PGK2: variants seen among roughly 807,000 people sequenced by gnomAD.
PGK2 encodes phosphoglycerate kinase 2, also known as epididymis secretory protein Li 272.
A neutral mutation model predicts 5.2 loss-of-function variants in PGK2; 5 were observed. The observed-to-expected ratio is 0.96, with a 90% CI of 0.50 to 2.01. PGK2 has a LOEUF of 2.01. Among genes scored for constraint, PGK2 ranks in the 30% most tolerant of loss-of-function variants. The pLI is 0.01. For missense variants in PGK2, 588 were observed against 506.8 expected (o/e 1.16, Z -1.54); for synonymous variants, 210 against 182.6 (o/e 1.15, Z -1.21).
rs776872781 is a variant in PGK2, at chr6:49,786,021, G to A, written c.1167C>T (p.Val389=). 6.8e-6 allele frequency: 11 copies of A among 1,614,120 alleles called. No homozygotes were observed. The highest frequency in any genetic ancestry group is 9.3e-6 in the Non-Finnish European group (11 of 1,179,962). Reference sequence around the variant, plus strand: ...CACCGCCTCCAGTGCTGACATGGCTGACTTTATCTTCAGTGTTCCATTTGG... The same window carrying A: ...CACCGCCTCCAGTGCTGACATGGCTAACTTTATCTTCAGTGTTCCATTTGG... ...CCAKWNTEDK[V]SHVSTGGGAS... The change falls in exon 1 of 1, where the codon GTC becomes GTT. Residue 389 remains valine, a synonymous_variant. Coordinates refer to ENST00000304801, the MANE Select transcript of PGK2 (RefSeq NM_138733.5).
In PGK2 at chr6:49,786,624, G is replaced by C. The variant is rs1463664513; in HGVS notation, c.564C>G (p.Phe188Leu). Residue 188 changes from phenylalanine (F) to leucine (L), a missense_variant, in exon 1 of 1, where the codon TTC (phenylalanine) becomes TTG (leucine). Phe to Leu is a conservative substitution (Grantham distance 22). Transcript: ENST00000304801. ...GVNLPHKASG[F>L]LMKKELDYFA... ...AGTAATCTAGTTCCTTCTTCATCAA[G>C]AATCCGGATGCTTTATGGGGCAGAT... 1.2e-6 allele frequency: 2 copies of C among 1,614,118 alleles called. No individual in the cohort carries two copies. The highest frequency in any genetic ancestry group is 1.3e-5 in the African/African-American group (1 of 75,018).
In PGK2 at chr6:49,786,091, C is replaced by A. The variant is rs765114201; in HGVS notation, c.1097G>T (p.Gly366Val). 31 of 1,613,992 alleles carry A rather than the reference C, an allele frequency of 1.9e-5. No homozygotes were observed. In the South Asian group the frequency reaches 3.3e-4, roughly 17 times the overall value. Reference protein sequence around the residue: ...MDEIVKATSKGCITVIGGGDT... With the variant: ...MDEIVKATSKVCITVIGGGDT... Reference sequence around the variant, plus strand: ...TCCACCCCCTATAACAGTGATGCAGCCCTTGGAAGTGGCTTTCACAATTTC... The same window carrying A: ...TCCACCCCCTATAACAGTGATGCAGACCTTGGAAGTGGCTTTCACAATTTC... Residue 366 changes from glycine to valine, a missense_variant, in exon 1 of 1, where the codon GGC (glycine) becomes GTC (valine). Coordinates refer to ENST00000304801, the MANE Select transcript of PGK2 (RefSeq NM_138733.5).
rs1769894581 is a variant in PGK2 at position 49,785,797 on chromosome 6, C to T, written c.*137G>A. On this transcript the variant is annotated 3_prime_UTR_variant, in exon 1 of 1. Transcript: ENST00000304801. The stretch of plus-strand genomic sequence containing the variant: ...ATTGCTGTGCTGATATTAAGAGTTC[C>T]TGATGGCCTGCTGCTTGTCCATTAC... 8.9e-6 allele frequency: 6 copies of T among 671,132 alleles called. No individual in the cohort carries two copies. The highest frequency in any genetic ancestry group is 3.9e-5 in the South Asian group (2 of 51,934). 41.6% of individuals were successfully genotyped at this position (671,132 alleles called of 1,614,324 possible).
chr6:49,786,377 C>A lies in PGK2; in HGVS notation c.811G>T (p.Ala271Ser). 6.2e-7 allele frequency: 1 copy of A among 1,614,106 alleles called. No individual in the cohort carries two copies. Among genetic ancestry groups the A allele is most frequent in the East Asian group, 2.2e-5 (1 of 44,878 alleles). ...EGAKIVKDIM[A>S]KAQKNGVRIT... is the part of the protein sequence containing the mutation. The stretch of plus-strand genomic sequence containing the variant: ...CTTACACCATTCTTTTGTGCTTTGG[C>A]CATGATATCTTTAACGATCTTGGCT... Residue 271 changes from alanine to serine, a missense_variant, in exon 1 of 1, where the codon GCC (alanine) becomes TCC (serine). Ala to Ser is a moderately conservative substitution (Grantham distance 99, BLOSUM62 1). Transcript: ENST00000304801.
rs754104374 is a variant in PGK2 at position 49,786,329 on chromosome 6, C to T, written c.859G>A (p.Val287Ile). The change falls in exon 1 of 1, where the codon GTT (valine) becomes ATT (isoleucine). Residue 287 changes from valine to isoleucine, a missense_variant. Coordinates refer to ENST00000304801, the MANE Select transcript of PGK2 (RefSeq NM_138733.5). ...GVRITFPVDF[V>I]TGDKFDENAQ... ...TTCTCGTCAAACTTGTCCCCAGTAA[C>T]AAAATCAACAGGAAAAGTAATCCTT... is the stretch of plus-strand genomic sequence containing the variant. 3 of 1,614,144 alleles carry T rather than the reference C, an allele frequency of 1.9e-6. No homozygotes were observed. Among genetic ancestry groups the T allele is most frequent in the South Asian group, 1.1e-5 (1 of 91,080 alleles).
rs767297908 is a variant in PGK2, at chr6:49,786,304, T to C, written c.884A>G (p.Asn295Ser). 6.2e-7 allele frequency: 1 copy of C among 1,614,154 alleles called. No homozygotes were observed. The highest frequency in any genetic ancestry group is 1.1e-5 in the South Asian group (1 of 91,080). The change falls in exon 1 of 1, where the codon AAC becomes AGC. Residue 295 changes from asparagine to serine, a missense_variant. Asn to Ser is a conservative substitution (Grantham distance 46). Transcript: ENST00000304801. Reference protein sequence around the residue: ...DFVTGDKFDENAQVGKATVAS... With the variant: ...DFVTGDKFDESAQVGKATVAS... ...TACAGTGGCTTTTCCAACCTGAGCGTTCTCGTCAAACTTGTCCCCAGTAAC... is the reference window on the plus strand; with the variant it reads ...TACAGTGGCTTTTCCAACCTGAGCGCTCTCGTCAAACTTGTCCCCAGTAAC...
At position 49,786,821 on chromosome 6, in the gene PGK2, G is replaced by T. The variant is rs141623265; in HGVS notation, c.367C>A (p.Arg123Ser). 2.5e-6 allele frequency: 4 copies of T among 1,614,098 alleles called. No individual in the cohort carries two copies. The highest frequency in any genetic ancestry group is 2.2e-5 in the East Asian group (1 of 44,864). ...TTCCCTTCTTCCTCCACATGAAAGCGCAGGTTCTCCAGCAGGATGACTGAA... is the reference window on the plus strand; with the variant it reads ...TTCCCTTCTTCCTCCACATGAAAGCTCAGGTTCTCCAGCAGGATGACTGAA... ...PGSVILLENLRFHVEEEGKGQ... is the reference protein window; with the variant it reads ...PGSVILLENLSFHVEEEGKGQ... The change falls in exon 1 of 1, where the codon CGC (arginine) becomes AGC (serine). Residue 123 changes from arginine (R) to serine (S), a missense_variant. By Grantham distance (110) the Arg-to-Ser change is moderately radical. Transcript: ENST00000304801.
Position 49,786,072 on chromosome 6 carries a change from C to T in PGK2, c.1116G>A (p.Gly372=). The T allele has an allele frequency of 6.2e-7, 1 of 1,614,118 alleles. No homozygotes were observed. The highest frequency in any genetic ancestry group is 8.5e-7 in the Non-Finnish European group (1 of 1,180,030). ...ATSKGCITVI[G]GGDTATCCAK... ...CACAGCAAGTAGCAGTGTCTCCACCCCCTATAACAGTGATGCAGCCCTTGG... is the reference window on the plus strand; with the variant it reads ...CACAGCAAGTAGCAGTGTCTCCACCTCCTATAACAGTGATGCAGCCCTTGG... Residue 372 remains glycine (G), a synonymous_variant, in exon 1 of 1, where the codon GGG becomes GGA. Coordinates refer to ENST00000304801, the MANE Select transcript of PGK2 (RefSeq NM_138733.5).
At position 49,785,926 on chromosome 6, in the gene PGK2, T is replaced by A. The variant is rs777150729; in HGVS notation, c.*8A>T. ...GACAGAAAACAGAAGGAAGTAACAC[T>A]ATATTAACTACATGTTGCTGAGGGC... On this transcript the variant is annotated 3_prime_UTR_variant, in exon 1 of 1. Transcript: ENST00000304801. The A allele has an allele frequency of 8.1e-6, 13 of 1,610,182 alleles. No individual in the cohort carries two copies. The highest frequency in any genetic ancestry group is 5.0e-5 in the Admixed American group (3 of 59,846).
Position 49,786,891 on chromosome 6 carries a change from A to G in PGK2, c.297T>C (p.Cys99=). ...LGKDVLFLKD[C]VGAEVEKACA... ...AGGCTTTCTCCACTTCTGCGCCTAC[A>G]CAGTCCTTCAGGAACAGAACATCCT... The change falls in exon 1 of 1, where the codon TGT becomes TGC. Residue 99 remains cysteine, a synonymous_variant. Transcript: ENST00000304801. 3.1e-6 allele frequency: 5 copies of G among 1,614,066 alleles called. No homozygotes were observed. Among genetic ancestry groups the G allele is most frequent in the Non-Finnish European group, 4.2e-6 (5 of 1,180,016 alleles).
At position 49,786,995 on chromosome 6, in the gene PGK2, C is replaced by T. The variant is rs1371863750; in HGVS notation, c.193G>A (p.Gly65Ser). ...AKAVVLMSHL[G>S]RPDGVPMPDK... ...GGCATGGGAACACCATCAGGCCGAC[C>T]TAGATGACTCATAAGAACTACTGCC... is the stretch of plus-strand genomic sequence containing the variant. Residue 65 changes from glycine (G) to serine (S), a missense_variant, in exon 1 of 1, where the codon GGT (glycine) becomes AGT (serine). Transcript: ENST00000304801. 1 of 1,614,112 alleles carries T rather than the reference C, an allele frequency of 6.2e-7. No homozygotes were observed. Among genetic ancestry groups the T allele is most frequent in the South Asian group, 1.1e-5 (1 of 91,088 alleles).
At position 49,785,712 on chromosome 6, in the gene PGK2, C is replaced by T. The variant is rs1047875670; in HGVS notation, c.*222G>A. The T allele has an allele frequency of 3.6e-6, 2 of 549,654 alleles. No individual in the cohort carries two copies. The highest frequency in any genetic ancestry group is 2.9e-5 in the East Asian group (1 of 34,562). The allele number at this position is 549,654 out of a possible 1,614,324, so 34.0% of individuals were successfully genotyped here. On this transcript the variant is annotated 3_prime_UTR_variant, in exon 1 of 1. Transcript: ENST00000304801. ...TTAAGAATATGTCCTCCCTAGATAG[C>T]ACAATGGTGAAGTTCAAATGAGAAC...
At position 49,786,202 on chromosome 6, in the gene PGK2, GC is replaced by G; in HGVS notation, c.985del (p.Ala329LeufsTer5). The G allele has an allele frequency of 6.2e-7, 1 of 1,614,096 alleles. No homozygotes were observed. The highest frequency in any genetic ancestry group is 8.5e-7 in the Non-Finnish European group (1 of 1,180,030). ...ESNKNHAQVV[A>X]QARLIVWNGP... is the part of the protein sequence containing the mutation. Reference sequence around the variant, plus strand: ...ATTCCAAACAATTAGCCTTGCTTGAGCCACAACTTGAGCATGATTCTTGTTG... The same window carrying G: ...ATTCCAAACAATTAGCCTTGCTTGAGCACAACTTGAGCATGATTCTTGTTG... On this transcript the variant is annotated frameshift_variant, in exon 1 of 1. Coordinates refer to ENST00000304801, the MANE Select transcript of PGK2 (RefSeq NM_138733.5). LOFTEE classifies it high-confidence loss of function.
At position 49,787,155 on chromosome 6, in the gene PGK2, T is replaced by C. The variant is rs1259880311; in HGVS notation, c.33A>G (p.Lys11=). Residue 11 remains lysine (K), a synonymous_variant, in exon 1 of 1, where the codon AAA becomes AAG. Transcript: ENST00000304801. The part of the protein sequence containing the change: MSLSKKLTLD[K]LDVRGKRVIM... ...TGACTCGCTTCCCTCTAACATCCAG[T>C]TTGTCTAAAGTCAACTTCTTAGAAA... 6.2e-7 allele frequency: 1 copy of C among 1,613,688 alleles called. No individual in the cohort carries two copies. The highest frequency in any genetic ancestry group is 8.5e-7 in the Non-Finnish European group (1 of 1,179,672).
In PGK2 at chr6:49,786,321, C is replaced by T. The variant is rs1450751927; in HGVS notation, c.867G>A (p.Gly289=). The T allele has an allele frequency of 6.2e-7, 1 of 1,614,134 alleles. No individual in the cohort carries two copies. Among genetic ancestry groups the T allele is most frequent in the East Asian group, 2.2e-5 (1 of 44,880 alleles). The part of the protein sequence containing the change: ...RITFPVDFVT[G]DKFDENAQVG... ...CCTGAGCGTTCTCGTCAAACTTGTC[C>T]CCAGTAACAAAATCAACAGGAAAAG... Residue 289 remains glycine, a synonymous_variant, in exon 1 of 1, where the codon GGG becomes GGA. Transcript: ENST00000304801.
rs1769895567 is a variant in PGK2 at position 49,785,865 on chromosome 6, G to A, written c.*69C>T. On this transcript the variant is annotated 3_prime_UTR_variant, in exon 1 of 1. Transcript: ENST00000304801. ...AGTAGATTTTAACAAAAGTCACATC[G>A]AGATGTAAAAGCATTAAGCTGACTT... is the stretch of plus-strand genomic sequence containing the variant. The A allele has an allele frequency of 7.9e-7, 1 of 1,264,704 alleles. No homozygotes were observed. Among genetic ancestry groups the A allele is most frequent in the African/African-American group, 1.5e-5 (1 of 67,272 alleles). The allele number at this position is 1,264,704 out of a possible 1,614,324, so 78.3% of individuals were successfully genotyped here.
rs1769907175 is a variant in PGK2 at position 49,786,414 on chromosome 6, A to G, written c.774T>C (p.Phe258=). Residue 258 remains phenylalanine (F), a synonymous_variant, in exon 1 of 1, where the codon TTT becomes TTC. Coordinates refer to ENST00000304801, the MANE Select transcript of PGK2 (RefSeq NM_138733.5). ...LNNMEIGASL[F]DEEGAKIVKD... is the part of the protein sequence containing the mutation. ...TAACGATCTTGGCTCCCTCTTCATC[A>G]AACAGGGAAGCACCAATCTCCATGT... The G allele has an allele frequency of 6.2e-7, 1 of 1,613,894 alleles. No homozygotes were observed. Among genetic ancestry groups the G allele is most frequent in the Non-Finnish European group, 8.5e-7 (1 of 1,179,936 alleles).
In PGK2 at chr6:49,786,727, A is replaced by C; in HGVS notation, c.461T>G (p.Leu154Arg). Residue 154 changes from leucine (L) to arginine (R), a missense_variant, in exon 1 of 1, where the codon CTT becomes CGT. Transcript: ENST00000304801. ...GACATAGACGTCCCCTAGCTTGGAA[A>C]GTGATGCTCGGAAGGCTTCTATTTT... ...PDKIEAFRAS[L>R]SKLGDVYVND... 1 of 1,614,126 alleles carries C rather than the reference A, an allele frequency of 6.2e-7. No homozygotes were observed. Among genetic ancestry groups the C allele is most frequent in the Non-Finnish European group, 8.5e-7 (1 of 1,180,008 alleles).
rs770242126 is a variant in PGK2 at position 49,786,033 on chromosome 6, A to G, written c.1155T>C (p.Thr385=). Residue 385 remains threonine, a synonymous_variant, in exon 1 of 1, where the codon ACT becomes ACC. Transcript: ENST00000304801. ...DTATCCAKWN[T]EDKVSHVSTG... ...TGCTGACATGGCTGACTTTATCTTCAGTGTTCCATTTGGCACAGCAAGTAG... is the reference window on the plus strand; with the variant it reads ...TGCTGACATGGCTGACTTTATCTTCGGTGTTCCATTTGGCACAGCAAGTAG... The G allele has an allele frequency of 6.2e-7, 1 of 1,614,124 alleles. No homozygotes were observed. The highest frequency in any genetic ancestry group is 1.7e-5 in the Admixed American group (1 of 60,008).
Sources: gnomAD v4.1 joint callset for allele counts on GRCh38, gnomAD v4.1.1 for gene constraint, MANE v1.5 for transcripts, NCBI Gene and HGNC (gene_info 2026-07-23, HGNC 2026-07-21) for gene names.